PRDM6: variants seen among roughly 807,000 people sequenced by gnomAD.
The protein encoded by PRDM6 is PR/SET domain 6, also known as putative histone-lysine N-methyltransferase PRDM6.
A neutral mutation model predicts 60.8 loss-of-function variants in PRDM6; 25 were observed. The observed-to-expected ratio is 0.41, with a 90% confidence interval of 0.30 to 0.57. The LOEUF (loss-of-function observed/expected upper bound fraction) is 0.57. Among genes scored for constraint, PRDM6 ranks in the 20% least tolerant of loss-of-function variants. The pLI is 0.27. For synonymous variants in PRDM6, 407 were observed against 357.4 expected, an observed-to-expected ratio of 1.14 and a Z score of -1.57; for missense variants, 839 against 821.3, an observed-to-expected ratio of 1.02 and a Z score of -0.26.
At chr5:123,096,214 T>C (rs1342584828) in intron 2 of PRDM6, among the ~76,000 whole-genome samples, 1 of 152,188 alleles carries the variant, frequency 6.6e-6, no homozygotes, top group Non-Finnish European at 1.5e-5. Flanking sequence ...ATTTACTTGC[T>C]TCCTTGTTAG....
chr5:123,113,745 C>T (rs1203290658), intron 3 of PRDM6, among the ~76,000 whole-genome samples: 2 of 152,136 alleles, frequency 1.3e-5, no homozygotes, highest in African/African-American at 4.8e-5. Context: ...CCTCTGGACC[C>T]GGAGGTGAGC....
chr5:123,171,504 G>A (rs1765889622), intron 6 of PRDM6, among the ~76,000 whole-genome samples: 1 of 152,174 alleles, frequency 6.6e-6, no homozygotes, highest in Non-Finnish European at 1.5e-5. Context: ...TGTGCCGTGG[G>A]TATGAACTTA....
intron 6 of PRDM6, 129 bp downstream of exon 6, chr5:123,171,237 G>T: frequency 1.3e-6 from 1 of 753,390 alleles, no homozygotes; most frequent in Admixed American, 2.9e-5. Flanking sequence ...TGGAAGGTCA[G>T]AGAGAAATGC....
In PRDM6 at chr5:123,099,712, C is replaced by G. The variant is rs1392788521; in HGVS notation, c.651C>G (p.His217Gln). ...AGTGCCCTATGCATGGGCCACTGCA[C>G]TCGCTGCGCCGGCTTGTGGGCACCA... ...NGECPMHGPL[H>Q]SLRRLVGTSS... Residue 217 changes from histidine to glutamine, a missense_variant, in exon 3 of 8, where the codon CAC (histidine) becomes CAG (glutamine). Around this residue, in one of 2 missense-constraint regions of PRDM6, gnomAD observed 730 missense variants for 648.8 expected, o/e 1.13. Transcript: ENST00000407847. The surrounding 1 kb of genome is among the most constrained non-coding windows in gnomAD (Gnocchi z 4.0). The G allele has an allele frequency of 5.2e-6, 8 of 1,528,188 alleles. No individual in the cohort carries two copies. The highest frequency in any genetic ancestry group is 8.8e-7 in the Non-Finnish European group (1 of 1,137,990). 94.7% of individuals were successfully genotyped at this position (1,528,188 alleles called of 1,614,324 possible).
At chr5:123,156,937 C>G (rs1274640472) in intron 4 of PRDM6, among the ~76,000 whole-genome samples, 2 of 152,186 alleles carry the variant, frequency 1.3e-5, no homozygotes, top group Non-Finnish European at 2.9e-5. Flanking sequence ...CAGTTATAAA[C>G]AGCCGTGTTC....
chr5:123,170,683 T>C (rs890886895), intron 5 of PRDM6, 83 bp from the exon 6 acceptor site: 1 of 987,054 alleles, frequency 1.0e-6, no homozygotes, highest in East Asian at 2.6e-5. Context: ...GGTTGATTTA[T>C]TTGATTTTTT....
At chr5:123,151,274 AAACTGGCT>A (rs1414903426) in intron 3 of PRDM6, among the ~76,000 whole-genome samples, 1 of 152,130 alleles carries the variant, frequency 6.6e-6, no homozygotes, top group African/African-American at 2.4e-5. Context: ...CACTCCCTGA[AAACTGGCT>A]AATCCCTTTT....
chr5:123,194,062 A>G lies in PRDM6; in HGVS notation c.*6861A>G, dbSNP rs1211901688. The G allele has an allele frequency of 6.6e-6, 1 of 152,168 alleles. No homozygotes were observed. Among genetic ancestry groups the G allele is most frequent in the Non-Finnish European group, 1.5e-5 (1 of 68,032 alleles). 9.4% of individuals were successfully genotyped at this position (152,168 alleles called of 1,614,324 possible). ...AGTAAGAATGGGTAAAACTTAATAA[A>G]GTTTTCTAACTTTATTAAACTCACA... On this transcript the variant is annotated 3_prime_UTR_variant, in exon 8 of 8. Coordinates refer to ENST00000407847, the MANE Select transcript of PRDM6 (RefSeq NM_001136239.4).
intron 3 of PRDM6, among the ~76,000 whole-genome samples, chr5:123,109,463 T>C (rs971138749): frequency 2.0e-5 from 3 of 152,168 alleles, no homozygotes; most frequent in Non-Finnish European, 4.4e-5. Flanking sequence ...ATAAAGAGTA[T>C]CATTATTTGA....
At chr5:123,098,024 G>A (rs1186582213) in intron 2 of PRDM6, among the ~76,000 whole-genome samples, 1 of 152,226 alleles carries the variant, frequency 6.6e-6, no homozygotes, top group Admixed American at 6.5e-5. Context: ...GCCCTCCTTT[G>A]CTGTGAAGCA....
At chr5:123,136,098 C>T (rs1037494113) in intron 3 of PRDM6, among the ~76,000 whole-genome samples, 1 of 152,122 alleles carries the variant, frequency 6.6e-6, no homozygotes, top group Non-Finnish European at 1.5e-5. Flanking sequence ...ATGGGTTTTG[C>T]AGAGGCCTCT....
intron 5 of PRDM6, among the ~76,000 whole-genome samples, chr5:123,161,304 G>A (rs558285204): frequency 1.3e-5 from 2 of 152,286 alleles, no homozygotes; most frequent in African/African-American, 4.8e-5. Context: ...TATAAATACA[G>A]CAGTGAACAA....
chr5:123,090,027 G>C lies in PRDM6; in HGVS notation c.13G>C (p.Gly5Arg), dbSNP rs1173169991. ...CGAGGCGCCGGACATGCTGAAGCCC[G>C]GAGACCCCGGCGGTTCGGCCTTCCT... is the stretch of plus-strand genomic sequence containing the variant. The part of the protein sequence containing the change: MLKP[G>R]DPGGSAFLKV... Residue 5 changes from glycine (G) to arginine (R), a missense_variant, in exon 2 of 8, where the codon GGA (glycine) becomes CGA (arginine). By Grantham distance (125) the Gly-to-Arg change is moderately radical (BLOSUM62 -2). Transcript: ENST00000407847. The C allele has an allele frequency of 1.3e-6, 2 of 1,547,664 alleles. No homozygotes were observed. Among genetic ancestry groups the C allele is most frequent in the African/African-American group, 2.7e-5 (2 of 72,730 alleles).
At chr5:123,142,648 A>G (rs897413893) in intron 3 of PRDM6, among the ~76,000 whole-genome samples, 2 of 152,150 alleles carry the variant, frequency 1.3e-5, no homozygotes, top group Non-Finnish European at 2.9e-5. Flanking sequence ...ATCCAGCAAT[A>G]GACAGTGCTA....
At chr5:123,116,131 C>T (rs1764438592) in intron 3 of PRDM6, among the ~76,000 whole-genome samples, 1 of 152,136 alleles carries the variant, frequency 6.6e-6, no homozygotes, top group African/African-American at 2.4e-5. Flanking sequence ...CTGTGGATCC[C>T]GGAGGCTGCT....
chr5:123,138,181 A>G (rs1765011542), intron 3 of PRDM6, among the ~76,000 whole-genome samples: 1 of 152,216 alleles, frequency 6.6e-6, no homozygotes, highest in Admixed American at 6.5e-5. Flanking sequence ...AACGACTTTA[A>G]AAAACAAGCA....
At chr5:123,114,563 G>C (rs750083647) in intron 3 of PRDM6, among the ~76,000 whole-genome samples, 1 of 152,212 alleles carries the variant, frequency 6.6e-6, no homozygotes, top group Non-Finnish European at 1.5e-5. Flanking sequence ...TTGGGAAATA[G>C]TTCTGCTAAA....
intron 2 of PRDM6, among the ~76,000 whole-genome samples, chr5:123,097,880 G>A (rs1265792885): frequency 6.6e-6 from 1 of 152,186 alleles, no homozygotes; most frequent in Non-Finnish European, 1.5e-5. Context: ...TCAGAGGTCT[G>A]GGGACATTTC....
At chr5:123,176,339 A>C (rs1210012666) in intron 6 of PRDM6, among the ~76,000 whole-genome samples, 1 of 81,516 alleles carries the variant, frequency 1.2e-5, no homozygotes, top group Non-Finnish European at 2.9e-5. Context: ...TTTGTGAGGC[A>C]TACTGTTTGC....
Sources: gnomAD v4.1 joint callset for allele counts (sites outside exome capture counted in the v4.1 genomes callset) on GRCh38, gnomAD v4.1.1 for gene constraint, gnomAD v4.1.1 regional missense constraint, Gnocchi (gnomAD v3.1) non-coding constraint, MANE v1.5 for transcripts, NCBI Gene and HGNC (gene_info 2026-07-23, HGNC 2026-07-21) for gene names.